LRRIQ3: variants seen among roughly 807,000 people sequenced by gnomAD.
LRRIQ3 encodes the protein leucine rich repeats and IQ motif containing 3, also known as leucine-rich repeat and IQ domain-containing protein 3.
In LRRIQ3, 75 loss-of-function variants were observed where a neutral mutation model predicts 59.3. That is an observed-to-expected ratio of 1.26 (90% CI 1.05 to 1.53). The LOEUF is 1.53. Among genes scored for constraint, LRRIQ3 ranks in the 40% most tolerant of loss-of-function variants. The pLI is 0.00. For synonymous variants in LRRIQ3, 250 were observed against 231.3 expected, an observed-to-expected ratio of 1.08 and a Z score of -0.73; for missense variants, 831 against 710.0, an observed-to-expected ratio of 1.17 and a Z score of -1.94.
intron 5 of LRRIQ3, among the ~76,000 whole-genome samples, chr1:74,091,207 G>C (rs772000924): frequency 5.3e-5 from 8 of 152,136 alleles, no homozygotes; most frequent in Non-Finnish European, 1.0e-4. Flanking sequence ...AATAAAACAG[G>C]CTGTAAATTA....
intron 5 of LRRIQ3, among the ~76,000 whole-genome samples, chr1:74,081,090 A>C (rs900116907): frequency 1.8e-4 from 28 of 151,612 alleles, no homozygotes; most frequent in Admixed American, 1.7e-3. Flanking sequence ...AATAATTGCT[A>C]CTATCCTGCA....
intron 6 of LRRIQ3, among the ~76,000 whole-genome samples, chr1:74,046,045 T>C (rs758502789): frequency 4.6e-5 from 7 of 152,268 alleles, no homozygotes; most frequent in Non-Finnish European, 5.9e-5. Context: ...AAGCAATTTA[T>C]AGATTTAATG....
At chr1:74,031,203 G>A (rs941128047) in intron 7 of LRRIQ3, among the ~76,000 whole-genome samples, 2 of 152,154 alleles carry the variant, frequency 1.3e-5, no homozygotes, top group East Asian at 1.9e-4. Context: ...AGACAGTGTG[G>A]CAATTCCTCA....
Position 74,046,056 on chromosome 1 carries a change from C to T in LRRIQ3, c.998-4123G>A, listed in dbSNP as rs140125723. Among the ~76,000 whole-genome samples the T allele has an allele frequency of 3.5e-4, 53 of 152,256 alleles. 2 individuals carry two copies. The East Asian group carries it at 8.3e-3, about 24-fold the overall frequency. ...CCCAAAGCAATTTATAGATTTAATG[C>T]TATTCCGATCAGGCTACCATTGACT... is the stretch of plus-strand genomic sequence containing the variant. On this transcript the variant is annotated intron_variant, in intron 6 of 7. Transcript: ENST00000354431.
At chr1:74,050,261 G>C (rs1172193756) in intron 6 of LRRIQ3, among the ~76,000 whole-genome samples, 1 of 152,040 alleles carries the variant, frequency 6.6e-6, no homozygotes, top group East Asian at 1.9e-4. Context: ...AATACTTGAA[G>C]TACAGGTTCT....
intron 5 of LRRIQ3, among the ~76,000 whole-genome samples, chr1:74,088,258 A>AACATTC (rs892022839): frequency 9.9e-5 from 15 of 152,148 alleles, no homozygotes; most frequent in African/African-American, 3.4e-4. Flanking sequence ...AAAATAACAC[A>AACATTC]ACATTCATAC....
chr1:74,120,961 G>A (rs1646846534), intron 4 of LRRIQ3, among the ~76,000 whole-genome samples: 1 of 152,002 alleles, frequency 6.6e-6, no homozygotes, highest in Non-Finnish European at 1.5e-5. Context: ...TTTAACATTT[G>A]TGTCTACCTG....
At chr1:74,197,538 T>C (rs1262023698) in intron 1 of LRRIQ3, among the ~76,000 whole-genome samples, 1 of 152,178 alleles carries the variant, frequency 6.6e-6, no homozygotes, top group Non-Finnish European at 1.5e-5. Context: ...TTATTGAACA[T>C]TCTAGATTAA....
chr1:74,044,031 G>GT (rs1361881655), intron 6 of LRRIQ3, among the ~76,000 whole-genome samples: 4 of 152,010 alleles, frequency 2.6e-5, no homozygotes, highest in African/African-American at 4.8e-5. Flanking sequence ...GAATTCATAT[G>GT]TTTTAAACTA....
At chr1:74,159,060 T>C (rs1648511201) in intron 3 of LRRIQ3, among the ~76,000 whole-genome samples, 1 of 152,094 alleles carries the variant, frequency 6.6e-6, no homozygotes, top group African/African-American at 2.4e-5. Context: ...TTTTCTTCAT[T>C]CCACTTCCCC....
intron 3 of LRRIQ3, among the ~76,000 whole-genome samples, chr1:74,175,398 A>C (rs1315776824): frequency 1.3e-5 from 2 of 152,078 alleles, no homozygotes; most frequent in Non-Finnish European, 2.9e-5. Context: ...ATTCTCCCAT[A>C]TTCTGACTGA....
intron 5 of LRRIQ3, among the ~76,000 whole-genome samples, chr1:74,098,030 G>A (rs893443189): frequency 6.6e-6 from 1 of 152,120 alleles, no homozygotes; most frequent in Non-Finnish European, 1.5e-5. Flanking sequence ...ACATCATAAT[G>A]ACAGGATCAA....
intron 4 of LRRIQ3, among the ~76,000 whole-genome samples, chr1:74,124,476 T>C (rs1557626776): frequency 2.0e-5 from 3 of 152,000 alleles, no homozygotes; most frequent in Middle Eastern, 6.8e-3. Context: ...TTTCTTATAG[T>C]AGTTTCATAG....
At chr1:74,098,168 A>T (rs1412559751) in intron 5 of LRRIQ3, among the ~76,000 whole-genome samples, 1 of 141,248 alleles carries the variant, frequency 7.1e-6, no homozygotes, top group South Asian at 2.2e-4. Context: ...CTCATCTCAC[A>T]TGCAGAGACA....
intron 6 of LRRIQ3, among the ~76,000 whole-genome samples, chr1:74,056,466 A>T (rs1401937314): frequency 1.3e-5 from 2 of 152,064 alleles, no homozygotes; most frequent in African/African-American, 4.8e-5. Flanking sequence ...CATATAAAAA[A>T]CTAGGAAGAC....
chr1:74,037,819 A>C (rs1653917944), intron 7 of LRRIQ3, among the ~76,000 whole-genome samples: 1 of 152,160 alleles, frequency 6.6e-6, no homozygotes, highest in Non-Finnish European at 1.5e-5. Context: ...TACCCAGCCT[A>C]GGAAACCGTG....
At chr1:74,162,086 T>C (rs1406823910) in intron 3 of LRRIQ3, among the ~76,000 whole-genome samples, 1 of 151,872 alleles carries the variant, frequency 6.6e-6, no homozygotes, top group Non-Finnish European at 1.5e-5. Flanking sequence ...AAAATGGAGA[T>C]AACGATGGTA....
At chr1:74,096,297 A>G (rs1315772612) in intron 5 of LRRIQ3, among the ~76,000 whole-genome samples, 1 of 152,156 alleles carries the variant, frequency 6.6e-6, no homozygotes, top group Admixed American at 6.6e-5. Flanking sequence ...GTATTATTAT[A>G]AAAGCTATAT....
intron 3 of LRRIQ3, among the ~76,000 whole-genome samples, chr1:74,173,702 T>C (rs1649466513): frequency 6.6e-6 from 1 of 152,070 alleles, no homozygotes; most frequent in Non-Finnish European, 1.5e-5. Flanking sequence ...TTAGACTTAA[T>C]ATTTTGTTTC....
Sources: gnomAD v4.1 joint callset for allele counts (sites outside exome capture counted in the v4.1 genomes callset) on GRCh38, gnomAD v4.1.1 for gene constraint, MANE v1.5 for transcripts, NCBI Gene and HGNC (gene_info 2026-07-23, HGNC 2026-07-21) for gene names.